OPRM1: variants seen among roughly 807,000 people sequenced by gnomAD.
OPRM1 encodes the protein opioid receptor mu 1, also known as mu-type opioid receptor.
OPRM1 carries 27 observed loss-of-function variants against 31.8 expected under a neutral mutation model. The ratio of observed to expected loss-of-function variants is 0.85; its 90% CI spans 0.63 to 1.17. OPRM1 has a LOEUF of 1.17. Ranked by LOEUF, OPRM1 falls within the 50% of genes most tolerant of loss-of-function variation. OPRM1 has a pLI of 0.00. For synonymous variants in OPRM1, 196 were observed against 189.9 expected, an observed-to-expected ratio of 1.03 and a Z score of -0.26; for missense variants, 536 against 511.1, an observed-to-expected ratio of 1.05 and a Z score of -0.47.
chr6:154,024,376 TTCTA>T (rs1175558662), intron 1 of OPRM1, among the ~76,000 whole-genome samples: 3 of 152,086 alleles, frequency 2.0e-5, no homozygotes, highest in Non-Finnish European at 2.9e-5. Context: ...GCAGTATCAG[TTCTA>T]ATGTCTTCTC....
At chr6:154,159,882 G>T in intron 3 of OPRM1, 1 of 1,613,170 alleles carries the variant, frequency 6.2e-7, no homozygotes, top group Non-Finnish European at 8.5e-7. Context: ...GTTCCTGGGG[G>T]GTGTCATCAG....
chr6:154,170,492 C>T (rs1799787727), intron 3 of OPRM1, among the ~76,000 whole-genome samples: 1 of 152,192 alleles, frequency 6.6e-6, no homozygotes, highest in African/African-American at 2.4e-5. Context: ...AATACTCTTT[C>T]ATAAAACAGA....
At position 154,100,177 on chromosome 6, in the gene OPRM1, T is replaced by C. The variant is rs1385901789; in HGVS notation, c.1164+8705T>C. The stretch of plus-strand genomic sequence containing the variant: ...TTATGACGTATCATAATATATATTA[T>C]CATATTATGACATATCATAATATAT... On this transcript the variant is annotated intron_variant, in intron 3 of 3. Coordinates refer to ENST00000330432, the MANE Select transcript of OPRM1 (RefSeq NM_000914.5). Among the ~76,000 whole-genome samples, 404 of 127,086 alleles carry C rather than the reference T, an allele frequency of 3.2e-3. 92 individuals are homozygous for C. Among genetic ancestry groups the C allele is most frequent in the African/African-American group, 0.012 (389 of 33,604 alleles). The allele number at this position is 127,086 out of a possible 152,430, so 83.4% of individuals were successfully genotyped here.
chr6:154,209,285 C>T (rs746463375), intron 3 of OPRM1, among the ~76,000 whole-genome samples: 4 of 152,092 alleles, frequency 2.6e-5, no homozygotes, highest in Admixed American at 6.5e-5. Flanking sequence ...ATTTTTGCCC[C>T]TAGGCTTGTA....
rs1562471984 is a variant in OPRM1 at position 154,100,078 on chromosome 6, ATATTATATATTATCATAT to A, written c.1164+8610_1164+8627del. On this transcript the variant is annotated intron_variant, in intron 3 of 3. Transcript: ENST00000330432. Reference sequence around the variant, plus strand: ...TATGATATATATCATGATATATATCATATTATATATTATCATATTATGATATATATATTATATATTATC... The same window carrying A: ...TATGATATATATCATGATATATATCATATGATATATATATTATATATTATC... Among the ~76,000 whole-genome samples, 212 of 116,384 alleles carry A rather than the reference ATATTATATATTATCATAT, an allele frequency of 1.8e-3. 6 individuals carry two copies. The highest frequency in any genetic ancestry group is 2.6e-3 in the Non-Finnish European group (157 of 60,016). The allele number at this position is 116,384 out of a possible 152,430, so 76.4% of individuals were successfully genotyped here. A position where few individuals can be genotyped will look rare whatever the true frequency, so the allele number is the denominator to read the frequency against.
intron 1 of OPRM1, among the ~76,000 whole-genome samples, chr6:154,015,817 A>AAAG (rs1777973298): frequency 6.6e-6 from 1 of 152,068 alleles, no homozygotes; most frequent in Non-Finnish European, 1.5e-5. Context: ...ACAGAAAATT[A>AAAG]AAGAGATCTC....
chr6:154,200,152 CAAT>C, intron 3 of OPRM1: 2 of 974,094 alleles, frequency 2.1e-6, no homozygotes, highest in Non-Finnish European at 2.9e-6. Context: ...AAAAAGTGAC[CAAT>C]AATAAAAGAG....
At position 154,173,848 on chromosome 6, in the gene OPRM1, G is replaced by C. The variant is rs562968203; in HGVS notation, c.1165-72845G>C. ...GCCACAAAGATACTCCTTGAGAAGA[G>C]CAACCCCAAGACACATAACTGTGAG... On this transcript the variant is annotated intron_variant, in intron 3 of 3. Coordinates refer to the OPRM1 transcript ENST00000337049. Among the ~76,000 whole-genome samples the C allele has an allele frequency of 5.9e-3, 903 of 152,232 alleles. 11 individuals are homozygous for C. The highest frequency in any genetic ancestry group is 0.021 in the African/African-American group (862 of 41,528).
intron 1 of OPRM1, among the ~76,000 whole-genome samples, chr6:154,084,004 A>G (rs961628558): frequency 6.6e-6 from 1 of 150,510 alleles, no homozygotes; most frequent in Admixed American, 6.6e-5. Flanking sequence ...CTCTGGTGAC[A>G]CACAGGAATG....
Position 154,168,820 on chromosome 6 carries a change from G to T in OPRM1, c.1164+77348G>T, listed in dbSNP as rs528782353. Among the ~76,000 whole-genome samples, 1 of 151,464 alleles carries T rather than the reference G, an allele frequency of 6.6e-6. No individual in the cohort carries two copies. The highest frequency in any genetic ancestry group is 2.4e-5 in the African/African-American group (1 of 41,082). ...AGGGTTTCACCATGTTGCCCAGGCTGGTCTTGAACTCCTGACTTTGGGTGA... is the reference window on the plus strand; with the variant it reads ...AGGGTTTCACCATGTTGCCCAGGCTTGTCTTGAACTCCTGACTTTGGGTGA... On this transcript the variant is annotated intron_variant, in intron 3 of 3. Transcript: ENST00000337049. This position sits in a 1 kb window ranked among gnomAD's most constrained non-coding sequence, Gnocchi z 4.1.
chr6:154,143,195 A>G (rs569284), intron 3 of OPRM1, among the ~76,000 whole-genome samples: 1 of 152,136 alleles, frequency 6.6e-6, no homozygotes, highest in South Asian at 2.1e-4. Context: ...GCCTTTCTAC[A>G]GTAAGCCAAA....
intron 1 of OPRM1, among the ~76,000 whole-genome samples, chr6:154,041,687 T>C (rs1270656223): frequency 6.6e-6 from 1 of 152,144 alleles, no homozygotes; most frequent in Non-Finnish European, 1.5e-5. Flanking sequence ...GACTATTAGG[T>C]TGACAGAGTG....
chr6:154,070,784 A>G (rs902651459), intron 1 of OPRM1, among the ~76,000 whole-genome samples: 2 of 152,198 alleles, frequency 1.3e-5, no homozygotes, highest in African/African-American at 4.8e-5. Context: ...GAAGCCAAAT[A>G]TAGGAGGAAA....
At chr6:154,244,801 C>G (rs1554818) in intron 3 of OPRM1, among the ~76,000 whole-genome samples, 1,951 of 152,262 alleles carry the variant, frequency 0.013, 22 homozygotes, top group South Asian at 0.036. Flanking sequence ...TAATTTGATT[C>G]CCGGAGAAGA....
At chr6:154,152,352 G>GA (rs1189648340) in intron 3 of OPRM1, among the ~76,000 whole-genome samples, 50 of 140,912 alleles carry the variant, frequency 3.5e-4, no homozygotes, top group South Asian at 6.8e-4. Context: ...AGAAAGGAAA[G>GA]AAAGAAAGAA....
At chr6:154,138,537 G>A (rs997474987) in intron 3 of OPRM1, among the ~76,000 whole-genome samples, 2 of 152,158 alleles carry the variant, frequency 1.3e-5, no homozygotes, top group Non-Finnish European at 1.5e-5. Context: ...CCATGTGTTT[G>A]CCGGGAAGGA....
intron 3 of OPRM1, among the ~76,000 whole-genome samples, chr6:154,174,893 T>C (rs1435035736): frequency 6.6e-6 from 1 of 152,182 alleles, no homozygotes; most frequent in Non-Finnish European, 1.5e-5. Flanking sequence ...CACATCACAC[T>C]TATTCTAAAG....
At chr6:154,212,745 A>G in intron 3 of OPRM1, 1 of 1,497,330 alleles carries the variant, frequency 6.7e-7, no homozygotes, top group Non-Finnish European at 9.3e-7. Context: ...TCGATGACCA[A>G]CAGACTACTT....
At chr6:154,101,529 C>T (rs1038716817) in intron 3 of OPRM1, among the ~76,000 whole-genome samples, 1 of 152,122 alleles carries the variant, frequency 6.6e-6, no homozygotes, top group Non-Finnish European at 1.5e-5. Flanking sequence ...GACAAATAGA[C>T]TTTCAAATGG....
Sources: gnomAD v4.1 joint callset for allele counts (sites outside exome capture counted in the v4.1 genomes callset) on GRCh38, gnomAD v4.1.1 for gene constraint, Gnocchi (gnomAD v3.1) non-coding constraint, MANE v1.5 for transcripts, NCBI Gene and HGNC (gene_info 2026-07-23, HGNC 2026-07-21) for gene names.